MAX: variants seen among roughly 807,000 people sequenced by gnomAD.
MAX encodes protein max.
MAX carries 3 observed loss-of-function variants against 22.3 expected under a neutral mutation model. The observed-to-expected ratio is 0.13, with a 90% confidence interval of 0.06 to 0.35. MAX has a LOEUF of 0.35. Among genes scored for constraint, MAX ranks in the 10% least tolerant of loss-of-function variants. The probability of loss-of-function intolerance (pLI) is 1.00; values close to 1 mark genes in which losing one functional copy is unlikely to be tolerated. For synonymous variants in MAX, 72 were observed against 77.7 expected (o/e 0.93, Z 0.39); for missense variants, 119 against 209.4 (o/e 0.57, Z 2.66).
intron 3 of MAX, among the ~76,000 whole-genome samples, chr14:65,037,740 TATTATTTA>T (rs1212297109): frequency 5.8e-5 from 3 of 51,726 alleles, no homozygotes; most frequent in Non-Finnish European, 7.9e-5. Context: ...TTTATTTATT[TATTATTTA>T]TTTATTTATT....
At chr14:65,022,456 T>C (rs2061907320) in intron 3 of MAX, among the ~76,000 whole-genome samples, 1 of 152,196 alleles carries the variant, frequency 6.6e-6, no homozygotes, top group Admixed American at 6.5e-5. Context: ...AGAATGTTTA[T>C]GTAATTATCC....
intron 3 of MAX, among the ~76,000 whole-genome samples, chr14:65,046,724 G>A (rs1347454126): frequency 6.6e-6 from 1 of 152,146 alleles, no homozygotes; most frequent in Non-Finnish European, 1.5e-5. Flanking sequence ...GGGATGCAGT[G>A]TAGAAAGATA....
Position 65,012,412 on chromosome 14 carries a change from C to A in MAX, c.172-6128G>T, listed in dbSNP as rs768548314. The A allele has an allele frequency of 1.9e-6, 3 of 1,613,864 alleles. No individual in the cohort carries two copies. The highest frequency in any genetic ancestry group is 1.3e-5 in the African/African-American group (1 of 75,050). On this transcript the variant is annotated intron_variant, in intron 3 of 3. Coordinates refer to the MAX transcript ENST00000341653. The surrounding 1 kb of genome is among the most constrained non-coding windows in gnomAD (Gnocchi z 5.0). ...GAGGTAAACACATTACCCAGGAACTCTTGCTGTCAAATTATCCACCAAATC... is the reference window on the plus strand; with the variant it reads ...GAGGTAAACACATTACCCAGGAACTATTGCTGTCAAATTATCCACCAAATC...
In MAX at chr14:65,084,394, TCC is replaced by T; in HGVS notation, c.172-6360_172-6359del. 1 of 765,728 alleles carries T rather than the reference TCC, an allele frequency of 1.3e-6. No individual in the cohort carries two copies. Among genetic ancestry groups the T allele is most frequent in the Admixed American group, 2.3e-5 (1 of 42,826 alleles). The allele number at this position is 765,728 out of a possible 1,614,324, so 47.4% of individuals were successfully genotyped here. On this transcript the variant is annotated intron_variant, in intron 3 of 4. Transcript: ENST00000358664. This position sits in a 1 kb window ranked among gnomAD's most constrained non-coding sequence, Gnocchi z 4.3. ...TTGTTTACTGAATTAGTTACCCTCT[TCC>T]AAAAAAAAAAATTCCAGTGATAATG...
chr14:65,041,569 G>A (rs200808209), intron 3 of MAX, among the ~76,000 whole-genome samples: 11 of 152,152 alleles, frequency 7.2e-5, no homozygotes, highest in Admixed American at 6.5e-4. Context: ...TGACCATGAC[G>A]TCAAAGCAAA....
At chr14:65,049,066 G>T (rs923497540) in intron 3 of MAX, among the ~76,000 whole-genome samples, 5 of 151,608 alleles carry the variant, frequency 3.3e-5, no homozygotes, top group Admixed American at 6.6e-5. Context: ...GGCGGAGGTT[G>T]CAGTGAGCTG....
At chr14:65,006,817 A>G (rs1402796791) in intron 3 of MAX, among the ~76,000 whole-genome samples, 1 of 152,122 alleles carries the variant, frequency 6.6e-6, no homozygotes, top group Non-Finnish European at 1.5e-5. Context: ...TTTTATTCAC[A>G]CTGAGATATG....
At chr14:65,039,380 G>C (rs1353124234) in intron 3 of MAX, among the ~76,000 whole-genome samples, 3 of 152,154 alleles carry the variant, frequency 2.0e-5, no homozygotes, top group Non-Finnish European at 4.4e-5. Flanking sequence ...TTAGCTTGTT[G>C]GATATTCTGG....
rs59262877 is a variant in MAX, at chr14:65,067,793, ATTTTTTTTT to A, written c.171+25906_171+25914del. Among the ~76,000 whole-genome samples, 4 of 123,166 alleles carry A rather than the reference ATTTTTTTTT, an allele frequency of 3.2e-5. No homozygotes were observed. In the East Asian group the frequency reaches 9.3e-4, roughly 29 times the overall value. 80.8% of individuals were successfully genotyped at this position (123,166 alleles called of 152,430 possible). A position where few individuals can be genotyped will look rare whatever the true frequency, so the allele number is the denominator to read the frequency against. On this transcript the variant is annotated intron_variant, in intron 3 of 3. Coordinates refer to the MAX transcript ENST00000341653. ...CACACCACCATGTGCAGCTAATTAC[ATTTTTTTTT>A]TTTTTTTTTTGGTAGAGGCAGGCTC...
At chr14:65,067,882 C>T (rs746504802) in intron 3 of MAX, among the ~76,000 whole-genome samples, 41 of 151,696 alleles carry the variant, frequency 2.7e-4, no homozygotes, top group Non-Finnish European at 5.3e-4. Flanking sequence ...ATCATCCTCC[C>T]TTGGCCTCCC....
At chr14:65,036,090 C>T (rs1390537081) in intron 3 of MAX, among the ~76,000 whole-genome samples, 1 of 152,068 alleles carries the variant, frequency 6.6e-6, no homozygotes, top group East Asian at 1.9e-4. Flanking sequence ...GCCTCAGCCC[C>T]ACAAAGTGTT....
chr14:65,014,663 A>T lies in MAX; in HGVS notation c.172-8379T>A, dbSNP rs994310397. 2.0e-5 allele frequency among the ~76,000 whole-genome samples: 3 copies of T among 152,196 alleles called. No individual in the cohort carries two copies. Among genetic ancestry groups the T allele is most frequent in the Admixed American group, 1.3e-4 (2 of 15,284 alleles). ...ATGCTGTCTCTATAAAAACTTAAAAAATTAGCCAGGCATAGTGGTGTGTGC... is the reference window on the plus strand; with the variant it reads ...ATGCTGTCTCTATAAAAACTTAAAATATTAGCCAGGCATAGTGGTGTGTGC... On this transcript the variant is annotated intron_variant, in intron 3 of 3. Transcript: ENST00000341653. This position sits in a 1 kb window ranked among gnomAD's most constrained non-coding sequence, Gnocchi z 5.1.
Position 65,027,526 on chromosome 14 carries a change from C to G in MAX, c.172-21242G>C, listed in dbSNP as rs370054960. ...AGGAGGACCCGGTCAGTATCCACACCTTGCACCCACATATGCAGCAGTCAA... is the reference window on the plus strand; with the variant it reads ...AGGAGGACCCGGTCAGTATCCACACGTTGCACCCACATATGCAGCAGTCAA... On this transcript the variant is annotated intron_variant, in intron 3 of 3. Transcript: ENST00000341653. This position sits in a 1 kb window ranked among gnomAD's most constrained non-coding sequence, Gnocchi z 5.7. 2.5e-6 allele frequency: 4 copies of G among 1,614,096 alleles called. No individual in the cohort carries two copies. In the African/African-American group the frequency reaches 5.3e-5, roughly 22 times the overall value.
At chr14:65,048,325 T>A (rs76123659) in intron 3 of MAX, among the ~76,000 whole-genome samples, 20 of 145,152 alleles carry the variant, frequency 1.4e-4, no homozygotes, top group Admixed American at 3.4e-4. Flanking sequence ...ACTGTGCCTT[T>A]AAAAAAAAAA....
intron 1 of MAX, chr14:65,101,819 G>A: frequency 1.7e-6 from 1 of 577,270 alleles, no homozygotes; most frequent in South Asian, 2.1e-5. Flanking sequence ...GGGGTCCCGA[G>A]CACTGTCTCC....
intron 3 of MAX, chr14:65,040,888 G>A (rs1467170977): frequency 2.5e-6 from 4 of 1,613,862 alleles, no homozygotes; most frequent in Non-Finnish European, 3.4e-6. Flanking sequence ...ATCCTCAAGA[G>A]GGAACGTTCC....
chr14:65,024,422 G>T (rs1246750282), intron 3 of MAX, among the ~76,000 whole-genome samples: 1 of 152,168 alleles, frequency 6.6e-6, no homozygotes, highest in Admixed American at 6.6e-5. Context: ...TGAGAATTTG[G>T]TAAAAATACA....
intron 2 of MAX, among the ~76,000 whole-genome samples, chr14:65,095,057 G>C (rs1019854213): frequency 6.6e-6 from 1 of 152,204 alleles, no homozygotes; most frequent in African/African-American, 2.4e-5. Flanking sequence ...AAGATGTACA[G>C]ACAAAAATCT....
chr14:65,077,844 C>T lies in MAX; in HGVS notation c.295+69G>A. 4 of 1,614,198 alleles carry T rather than the reference C, an allele frequency of 2.5e-6. No homozygotes were observed. The highest frequency in any genetic ancestry group is 3.4e-6 in the Non-Finnish European group (4 of 1,180,042). ...CCATGACTGGCTCTGACTCTGCAGG[C>T]CCAGGTGCCAAAGCCTGACCTGGCT... On this transcript the variant is annotated intron_variant, in intron 4 of 4. Coordinates refer to ENST00000358664, the MANE Select transcript of MAX (RefSeq NM_002382.5). This position sits in a 1 kb window ranked among gnomAD's most constrained non-coding sequence, Gnocchi z 6.3.
Sources: allele counts gnomAD v4.1 joint callset (sites outside exome capture counted in the v4.1 genomes callset), GRCh38; gene constraint gnomAD v4.1.1; non-coding constraint Gnocchi (gnomAD v3.1); transcripts MANE v1.5; gene names NCBI Gene and HGNC (gene_info 2026-07-23, HGNC 2026-07-21).